Variants in AVEN observed in about 807,000 individuals in gnomAD.
AVEN encodes the protein cell death regulator Aven.
AVEN carries 41 observed loss-of-function variants against 38.1 expected under a neutral mutation model. The observed-to-expected ratio is 1.08, with a 90% confidence interval of 0.84 to 1.40. The LOEUF is 1.40. AVEN is among the 40% of genes most tolerant of loss of function. The pLI, the probability that AVEN is intolerant of heterozygous loss-of-function variation, is 0.00. For synonymous variants in AVEN, 206 were observed against 171.8 expected (o/e 1.20, Z -1.56); for missense variants, 605 against 438.8 (o/e 1.38, Z -3.38).
intron 2 of AVEN, among the ~76,000 whole-genome samples, chr15:33,876,559 G>A (rs538744472): frequency 6.6e-6 from 1 of 151,690 alleles, no homozygotes; most frequent in South Asian, 2.1e-4. Flanking sequence ...GTGACAGAGT[G>A]AGACCCTATC....
intron 2 of AVEN, among the ~76,000 whole-genome samples, chr15:33,910,079 G>A (rs1892862863): frequency 6.7e-6 from 1 of 149,650 alleles, no homozygotes; most frequent in Admixed American, 6.7e-5. Context: ...AGTGAGCTGA[G>A]ATCGCACCGC....
chr15:33,989,908 C>T (rs964269208), intron 2 of AVEN, among the ~76,000 whole-genome samples: 4 of 150,298 alleles, frequency 2.7e-5, no homozygotes, highest in African/African-American at 9.8e-5. Flanking sequence ...GCTATTAGAA[C>T]GTGGTACCCA....
chr15:33,912,112 T>C (rs1251118405), intron 2 of AVEN, among the ~76,000 whole-genome samples: 1 of 152,236 alleles, frequency 6.6e-6, no homozygotes, highest in Non-Finnish European at 1.5e-5. Context: ...TCACAACTTA[T>C]TAACTCTGTG....
At position 34,028,206 on chromosome 15, in the gene AVEN, T is replaced by C. The variant is rs139553023; in HGVS notation, c.267+10574A>G. Among the ~76,000 whole-genome samples the C allele has an allele frequency of 2.7e-3, 410 of 152,304 alleles. 2 individuals are homozygous for C. The highest frequency in any genetic ancestry group is 9.6e-3 in the African/African-American group (398 of 41,554). On this transcript the variant is annotated intron_variant, in intron 1 of 5. Transcript: ENST00000306730. ...TCCATAAATAATAAGATTCTAAATA[T>C]TCTATACACATATGTTCATGTGTAT...
At chr15:33,981,593 T>C (rs1247511948) in intron 2 of AVEN, among the ~76,000 whole-genome samples, 1 of 152,198 alleles carries the variant, frequency 6.6e-6, no homozygotes, top group Non-Finnish European at 1.5e-5. Context: ...GCCAACTGTA[T>C]GCATACCACA....
At chr15:33,965,236 C>T (rs1427345801) in intron 2 of AVEN, among the ~76,000 whole-genome samples, 2 of 152,134 alleles carry the variant, frequency 1.3e-5, no homozygotes, top group Non-Finnish European at 2.9e-5. Context: ...ATTTCTTCAA[C>T]AAGAATTTAA....
chr15:33,986,728 C>A (rs141904249), intron 2 of AVEN, among the ~76,000 whole-genome samples: 8 of 151,780 alleles, frequency 5.3e-5, no homozygotes, highest in Admixed American at 2.0e-4. Flanking sequence ...GCAATCTTGG[C>A]TCACTGCAAC....
intron 2 of AVEN, 149 bp downstream of exon 2, chr15:34,002,883 C>T (rs1897191264): frequency 2.8e-6 from 2 of 721,080 alleles, no homozygotes; most frequent in Non-Finnish European, 4.3e-6. Flanking sequence ...CCCTTACAAG[C>T]CATTAGAAAC....
At chr15:33,871,338 G>A (rs140639939) in intron 3 of AVEN, among the ~76,000 whole-genome samples, 4 of 152,190 alleles carry the variant, frequency 2.6e-5, no homozygotes, top group East Asian at 1.9e-4. Flanking sequence ...AGGCCGAGGC[G>A]GGTGAATCAC....
intron 2 of AVEN, chr15:33,972,424 A>G (rs1370422736): frequency 1.3e-5 from 2 of 152,150 alleles, no homozygotes; most frequent in Non-Finnish European, 2.9e-5. Flanking sequence ...ACATAGATTA[A>G]TTAGTATCTG....
rs535478273 is a variant in AVEN, at chr15:34,044,225, C to T, written n.1637+18697G>A. On this transcript the variant is annotated intron_variant and non_coding_transcript_variant, in intron 5 of 11. Coordinates refer to the AVEN transcript ENST00000675287. ...TGTCTCCAATTCTCCTTCTCCCATT[C>T]GCTATTTTATCCACTCCTCAAGCCT... Among the ~76,000 whole-genome samples, 5 of 152,250 alleles carry T rather than the reference C, an allele frequency of 3.3e-5. No homozygotes were observed. The South Asian group carries it at 8.3e-4, about 25-fold the overall frequency.
intron 2 of AVEN, among the ~76,000 whole-genome samples, chr15:33,981,201 A>C (rs545155710): frequency 3.2e-4 from 48 of 152,360 alleles, no homozygotes; most frequent in Admixed American, 1.6e-3. Context: ...ATGCCTTATC[A>C]ATTTTCCTAA....
At chr15:33,987,180 T>C (rs746553127) in intron 2 of AVEN, among the ~76,000 whole-genome samples, 1 of 152,222 alleles carries the variant, frequency 6.6e-6, no homozygotes, top group Non-Finnish European at 1.5e-5. Flanking sequence ...TGTGAGGATA[T>C]TCTTTCCATC....
At chr15:33,865,885 G>C (rs911842651), downstream of AVEN, 2 of 152,472 alleles carry the variant, frequency 1.3e-5, no homozygotes, top group African/African-American at 4.8e-5. Context: ...AACTGCACTT[G>C]AAGGTTATTC....
chr15:34,033,323 C>T (rs749902302), intron 1 of AVEN, among the ~76,000 whole-genome samples: 3 of 151,952 alleles, frequency 2.0e-5, no homozygotes, highest in Non-Finnish European at 2.9e-5. Flanking sequence ...CTGAGCAACA[C>T]GGTGAAATCC....
chr15:33,873,426 C>A (rs1057444547), intron 3 of AVEN, among the ~76,000 whole-genome samples: 1 of 134,822 alleles, frequency 7.4e-6, no homozygotes, highest in Non-Finnish European at 1.6e-5. Flanking sequence ...CGTCACTGGT[C>A]ACACTGAGGA....
At chr15:33,998,434 G>A (rs1458763137) in intron 2 of AVEN, among the ~76,000 whole-genome samples, 1 of 152,054 alleles carries the variant, frequency 6.6e-6, no homozygotes, top group East Asian at 1.9e-4. Context: ...ACCAGCCTAA[G>A]CAACATAAGA....
intron 2 of AVEN, among the ~76,000 whole-genome samples, chr15:33,973,733 A>G (rs1317011542): frequency 1.3e-5 from 2 of 152,244 alleles, no homozygotes; most frequent in East Asian, 1.9e-4. Flanking sequence ...GTTGTCTGAC[A>G]TACGAAATTG....
intron 2 of AVEN, among the ~76,000 whole-genome samples, chr15:33,959,545 G>T (rs12591195): frequency 0.27 from 41,225 of 151,864 alleles, 7,411 homozygotes; most frequent in African/African-American, 0.51. Context: ...ACTCTACCTA[G>T]GGGCAGAGGG....
Sources: allele counts gnomAD v4.1 joint callset (sites outside exome capture counted in the v4.1 genomes callset), GRCh38; gene constraint gnomAD v4.1.1; transcripts MANE v1.5; gene names NCBI Gene and HGNC (gene_info 2026-07-23, HGNC 2026-07-21).